GABRB3: variants seen among roughly 807,000 people sequenced by gnomAD.
GABRB3 encodes the protein gamma-aminobutyric acid receptor subunit beta-3.
In GABRB3, 14 loss-of-function variants were observed where a neutral mutation model predicts 52.1. The ratio of observed to expected loss-of-function variants is 0.27; its 90% CI spans 0.18 to 0.42. The LOEUF (loss-of-function observed/expected upper bound fraction) is 0.42, where lower values mean the gene tolerates loss of function less well. Among genes scored for constraint, GABRB3 ranks in the 10% least tolerant of loss-of-function variants. GABRB3 has a pLI of 1.00. For synonymous variants in GABRB3, 260 were observed against 232.3 expected (o/e 1.12, Z -1.08); for missense variants, 307 against 609.1 (o/e 0.50, Z 5.22).
At chr15:26,662,018 C>T (rs1238675712) in intron 3 of GABRB3, among the ~76,000 whole-genome samples, 1 of 152,182 alleles carries the variant, frequency 6.6e-6, no homozygotes, top group African/African-American at 2.4e-5. Flanking sequence ...ATATAACCCA[C>T]AGATGACTCA....
At chr15:26,719,656 C>T (rs1889591443) in intron 3 of GABRB3, among the ~76,000 whole-genome samples, 1 of 152,188 alleles carries the variant, frequency 6.6e-6, no homozygotes, top group Non-Finnish European at 1.5e-5. Context: ...GCTTATCGTC[C>T]TATATTGACC....
chr15:26,633,831 C>T (rs1389269819), intron 3 of GABRB3, among the ~76,000 whole-genome samples: 1 of 152,214 alleles, frequency 6.6e-6, no homozygotes, highest in East Asian at 1.9e-4. Context: ...ACCCCCTTCC[C>T]CTTTCTAAAC....
At chr15:26,639,393 T>C (rs569940505) in intron 3 of GABRB3, among the ~76,000 whole-genome samples, 1 of 152,234 alleles carries the variant, frequency 6.6e-6, no homozygotes, top group Admixed American at 6.5e-5. Flanking sequence ...TACATTTTTT[T>C]CCTGTAATTA....
chr15:26,769,756 C>T (rs1384825035), intron 3 of GABRB3, among the ~76,000 whole-genome samples: 3 of 152,138 alleles, frequency 2.0e-5, no homozygotes, highest in Non-Finnish European at 2.9e-5. Flanking sequence ...CAGCTTCTCT[C>T]GTCCCTCCTC....
intron 8 of GABRB3, among the ~76,000 whole-genome samples, chr15:26,555,878 T>C (rs1023693506): frequency 5.9e-5 from 9 of 152,244 alleles, no homozygotes; most frequent in African/African-American, 2.2e-4. Flanking sequence ...TGAACCAGTA[T>C]GTAGAAAATT....
chr15:26,601,239 T>A (rs563848429), intron 4 of GABRB3, among the ~76,000 whole-genome samples: 2 of 152,130 alleles, frequency 1.3e-5, no homozygotes, highest in East Asian at 3.9e-4. Flanking sequence ...CCGGCCAACA[T>A]GGCAAAACCC....
At chr15:26,678,625 A>C (rs1888142995) in intron 3 of GABRB3, among the ~76,000 whole-genome samples, 1 of 152,170 alleles carries the variant, frequency 6.6e-6, no homozygotes, top group Admixed American at 6.5e-5. Flanking sequence ...AAAAACCGAG[A>C]GAAAGCCAGA....
rs757381436 is a variant in GABRB3, at chr15:26,772,986, G to T, written c.-24C>A. 1.5e-5 allele frequency: 20 copies of T among 1,365,030 alleles called. No homozygotes were observed. The highest frequency in any genetic ancestry group is 2.9e-6 in the Non-Finnish European group (3 of 1,049,282). 84.6% of individuals were successfully genotyped at this position (1,365,030 alleles called of 1,614,324 possible). On this transcript the variant is annotated 5_prime_UTR_variant, in exon 1 of 9. Transcript: ENST00000311550. Reference sequence around the variant, plus strand: ...ATCCCTCCGCCGCGCCCCGGCACGGGGGAGGGGGCGCCCCGCCGCCGTCGC... The same window carrying T: ...ATCCCTCCGCCGCGCCCCGGCACGGTGGAGGGGGCGCCCCGCCGCCGTCGC...
At chr15:26,582,479 G>T (rs189505660) in intron 5 of GABRB3, among the ~76,000 whole-genome samples, 17 of 152,218 alleles carry the variant, frequency 1.1e-4, no homozygotes, top group African/African-American at 3.9e-4. Flanking sequence ...CACTTGACAT[G>T]GCTTATGTCT....
rs547080930 is a variant in GABRB3, at chr15:26,764,611, A to T, written c.240+7791T>A. ...CATTTCCAGCTACAGAGATCAAGAG[A>T]CTCACTCTATCTTGATTGAATGGCA... On this transcript the variant is annotated intron_variant, in intron 3 of 8. Transcript: ENST00000311550. Among the ~76,000 whole-genome samples the T allele has an allele frequency of 4.6e-5, 7 of 152,196 alleles. No homozygotes were observed. The South Asian group carries it at 1.5e-3, about 32-fold the overall frequency.
rs568501089 is a variant in GABRB3 at position 26,756,452 on chromosome 15, C to T, written c.240+15950G>A. Among the ~76,000 whole-genome samples, 6 of 151,586 alleles carry T rather than the reference C, an allele frequency of 4.0e-5. 1 individual carries two copies. Among genetic ancestry groups the T allele is most frequent in the East Asian group, 1.9e-4 (1 of 5,142 alleles). ...AATTAGCCAGGTGTGGTGGTGCACA[C>T]GTGTAGTCCCAGTGACTCGGGAGCC... On this transcript the variant is annotated intron_variant, in intron 3 of 8. Coordinates refer to ENST00000311550, the MANE Select transcript of GABRB3 (RefSeq NM_000814.6).
At chr15:26,668,970 T>G (rs1299305707) in intron 3 of GABRB3, among the ~76,000 whole-genome samples, 2 of 152,156 alleles carry the variant, frequency 1.3e-5, no homozygotes, top group Admixed American at 6.5e-5. Flanking sequence ...TCGAACACAA[T>G]GAGGATGACT....
At chr15:26,664,006 T>A (rs1208224723) in intron 3 of GABRB3, among the ~76,000 whole-genome samples, 1 of 152,232 alleles carries the variant, frequency 6.6e-6, no homozygotes, top group Non-Finnish European at 1.5e-5. Context: ...TAAGTCCTTT[T>A]ATTCTCCCAT....
intron 3 of GABRB3, among the ~76,000 whole-genome samples, chr15:26,757,770 T>G (rs1042488614): frequency 3.3e-5 from 5 of 152,180 alleles, no homozygotes; most frequent in Admixed American, 1.3e-4. Context: ...TCCAGTTAGC[T>G]CCCACTGTCA....
chr15:26,575,921 C>T lies in GABRB3; in HGVS notation c.682+4398G>A, dbSNP rs1890575145. Among the ~76,000 whole-genome samples, 3 of 152,296 alleles carry T rather than the reference C, an allele frequency of 2.0e-5. No homozygotes were observed. In the South Asian group the frequency reaches 6.2e-4, roughly 32 times the overall value. On this transcript the variant is annotated intron_variant, in intron 6 of 8. Transcript: ENST00000311550. Reference sequence around the variant, plus strand: ...ACAAAATTAAAGAAGCATATTAAATCATCTGTTCTCCACATATCTTGCGAA... The same window carrying T: ...ACAAAATTAAAGAAGCATATTAAATTATCTGTTCTCCACATATCTTGCGAA...
intron 6 of GABRB3, among the ~76,000 whole-genome samples, chr15:26,572,047 GAAAAAAAAAA>G (rs67382387): frequency 3.8e-5 from 2 of 53,108 alleles, no homozygotes; most frequent in Admixed American, 4.6e-4. Flanking sequence ...TCCGTCTCAA[GAAAAAAAAAA>G]AAAAAAAAAA....
chr15:26,701,164 A>C (rs2140681078), intron 3 of GABRB3, among the ~76,000 whole-genome samples: 1 of 152,362 alleles, frequency 6.6e-6, no homozygotes, highest in Admixed American at 6.5e-5. Context: ...AACAGTAAAA[A>C]GACTGACTGC....
intron 3 of GABRB3, among the ~76,000 whole-genome samples, chr15:26,748,086 T>C (rs1185028958): frequency 6.6e-6 from 1 of 151,628 alleles, no homozygotes; most frequent in Non-Finnish European, 1.5e-5. Flanking sequence ...GGTCATGGCA[T>C]ATAATTCCTC....
At chr15:26,748,405 C>G (rs750658767) in intron 3 of GABRB3, among the ~76,000 whole-genome samples, 5 of 152,142 alleles carry the variant, frequency 3.3e-5, no homozygotes, top group Non-Finnish European at 5.9e-5. Flanking sequence ...CATTAATGGA[C>G]TACTAAGATT....
Sources: gnomAD v4.1 joint callset for allele counts (sites outside exome capture counted in the v4.1 genomes callset) on GRCh38, gnomAD v4.1.1 for gene constraint, MANE v1.5 for transcripts, NCBI Gene and HGNC (gene_info 2026-07-23, HGNC 2026-07-21) for gene names.